The following YWHAE variants were observed in gnomAD, a reference collection of about 807,000 sequenced individuals.
YWHAE encodes 14-3-3 protein epsilon.
YWHAE carries 4 observed loss-of-function variants against 30.1 expected under a neutral mutation model. The ratio of observed to expected loss-of-function variants is 0.13; its 90% CI spans 0.07 to 0.30. The LOEUF (loss-of-function observed/expected upper bound fraction) is 0.30. YWHAE is among the 10% of genes least tolerant of loss of function. The pLI, the probability that YWHAE is intolerant of heterozygous loss-of-function variation, is 1.00. For missense variants in YWHAE, 121 were observed against 315.9 expected, an observed-to-expected ratio of 0.38 and a Z score of 4.68; for synonymous variants, 118 against 111.8, an observed-to-expected ratio of 1.06 and a Z score of -0.35.
chr17:1,346,714 C>T (rs946860105), intron 5 of YWHAE, among the ~76,000 whole-genome samples: 3 of 152,236 alleles, frequency 2.0e-5, no homozygotes, highest in Non-Finnish European at 4.4e-5. Flanking sequence ...ACGCCGGGCA[C>T]GGTGGCTCAC....
chr17:1,372,299 G>A (rs541883872), intron 1 of YWHAE, among the ~76,000 whole-genome samples: 4 of 152,210 alleles, frequency 2.6e-5, no homozygotes, highest in Non-Finnish European at 4.4e-5. Flanking sequence ...TTTGGCTTAA[G>A]GGAATAGTAT....
In YWHAE at chr17:1,395,504, G is replaced by A. The variant is rs188644477; in HGVS notation, c.64+4543C>T. Among the ~76,000 whole-genome samples, 159 of 152,268 alleles carry A rather than the reference G, an allele frequency of 1.0e-3. 2 individuals carry two copies. The highest frequency in any genetic ancestry group is 7.7e-3 in the Admixed American group (118 of 15,280). ...AGACCACGCCATTGCACTCCAGCCT[G>A]GGGGACAGAGCCCAGTCGTAGAAGG... On this transcript the variant is annotated intron_variant, in intron 1 of 5. Coordinates refer to ENST00000264335, the MANE Select transcript of YWHAE (RefSeq NM_006761.5).
At chr17:1,353,041 T>C (rs2072662002) in intron 5 of YWHAE, among the ~76,000 whole-genome samples, 1 of 152,110 alleles carries the variant, frequency 6.6e-6, no homozygotes. Context: ...TCAACAAACA[T>C]AACAAATTTG....
Position 1,361,311 on chromosome 17 carries a change from C to G in YWHAE, c.372-13G>C. 6.9e-7 allele frequency: 1 copy of G among 1,451,160 alleles called. No individual in the cohort carries two copies. The highest frequency in any genetic ancestry group is 9.0e-7 in the Non-Finnish European group (1 of 1,105,004). 89.9% of individuals were successfully genotyped at this position (1,451,160 alleles called of 1,614,324 possible). A position where few individuals can be genotyped will look rare whatever the true frequency, so the allele number is the denominator to read the frequency against. ...GTAGTCCCCTTTCCTAAAACAAAAC[C>G]AAAATTAAAAAAAAAAAAAAAATTT... On this transcript the variant is annotated splice_polypyrimidine_tract_variant and intron_variant, in intron 3 of 5. Transcript: ENST00000264335.
At chr17:1,387,470 T>C (rs1481329519) in intron 1 of YWHAE, among the ~76,000 whole-genome samples, 2 of 152,218 alleles carry the variant, frequency 1.3e-5, no homozygotes, top group African/African-American at 2.4e-5. Flanking sequence ...AAAAATACTT[T>C]AAAATTCTGT....
chr17:1,361,647 C>T (rs2072866833), intron 3 of YWHAE: 1 of 454,222 alleles, frequency 2.2e-6, no homozygotes. Flanking sequence ...CTATATATAA[C>T]ACTAAGCACT....
intron 4 of YWHAE, among the ~76,000 whole-genome samples, chr17:1,359,294 A>C (rs1273466434): frequency 6.6e-6 from 1 of 152,128 alleles, no homozygotes; most frequent in Non-Finnish European, 1.5e-5. Flanking sequence ...CAGAGACAGA[A>C]CAAGATCCTG....
intron 1 of YWHAE, among the ~76,000 whole-genome samples, chr17:1,398,517 G>T (rs1281435034): frequency 3.3e-5 from 5 of 151,968 alleles, no homozygotes; most frequent in African/African-American, 1.2e-4. Flanking sequence ...GACTAAATCC[G>T]CATTTCGAGG....
intron 1 of YWHAE, among the ~76,000 whole-genome samples, chr17:1,384,460 G>GA: frequency 6.6e-6 from 1 of 150,760 alleles, no homozygotes. Context: ...GGGAGGCCAA[G>GA]GCGGGCAGAT....
intron 1 of YWHAE, among the ~76,000 whole-genome samples, chr17:1,366,043 C>T (rs1340353384): frequency 6.6e-6 from 1 of 151,978 alleles, no homozygotes; most frequent in Non-Finnish European, 1.5e-5. Context: ...TGGTGAAACA[C>T]TGTCTCTACT....
At chr17:1,364,599 G>T (rs922609626) in intron 2 of YWHAE, 5 of 509,194 alleles carry the variant, frequency 9.8e-6, no homozygotes, top group Non-Finnish European at 1.7e-5. Flanking sequence ...ATCCAAGAGG[G>T]ATCCATTGAG....
At chr17:1,367,252 G>A (rs2072959554) in intron 1 of YWHAE, among the ~76,000 whole-genome samples, 1 of 152,070 alleles carries the variant, frequency 6.6e-6, no homozygotes, top group South Asian at 2.1e-4. Context: ...CATCCAGAGG[G>A]GAAATGTATA....
At chr17:1,385,386 A>C (rs2073285088) in intron 1 of YWHAE, among the ~76,000 whole-genome samples, 1 of 152,126 alleles carries the variant, frequency 6.6e-6, no homozygotes, top group Non-Finnish European at 1.5e-5. Flanking sequence ...CATGCCTCAA[A>C]AGTCATCTAC....
At chr17:1,354,659 A>G (rs1027676972) in intron 4 of YWHAE, among the ~76,000 whole-genome samples, 1 of 152,024 alleles carries the variant, frequency 6.6e-6, no homozygotes, top group Non-Finnish European at 1.5e-5. Flanking sequence ...CTTATTTCAA[A>G]AAGTTTTGTT....
chr17:1,388,117 G>GTTTTTTT lies in YWHAE; in HGVS notation c.64+11929_64+11930insAAAAAAA, dbSNP rs1491196737. Reference sequence around the variant, plus strand: ...GTAATTTTTGTTTTTTTTTTTGGTTGGTTTTTTTTTTTTTTTTTTTTTTTT... The same window carrying GTTTTTTT: ...GTAATTTTTGTTTTTTTTTTTGGTTGTTTTTTTGTTTTTTTTTTTTTTTTTTTTTTTT... On this transcript the variant is annotated intron_variant, in intron 1 of 5. Coordinates refer to ENST00000264335, the MANE Select transcript of YWHAE (RefSeq NM_006761.5). 3.7e-4 allele frequency among the ~76,000 whole-genome samples: 24 copies of GTTTTTTT among 65,106 alleles called. 1 individual carries two copies. The highest frequency in any genetic ancestry group is 1.1e-3 in the African/African-American group (10 of 8,826). The allele number at this position is 65,106 out of a possible 152,430, so 42.7% of individuals were successfully genotyped here. A position where few individuals can be genotyped will look rare whatever the true frequency, so the allele number is the denominator to read the frequency against.
At position 1,370,323 on chromosome 17, in the gene YWHAE, G is replaced by T. The variant is rs562340716; in HGVS notation, c.65-5265C>A. 3.7e-4 allele frequency among the ~76,000 whole-genome samples: 56 copies of T among 151,720 alleles called. No individual in the cohort carries two copies. In the South Asian group the frequency reaches 0.011, roughly 30 times the overall value. On this transcript the variant is annotated intron_variant, in intron 1 of 5. Coordinates refer to ENST00000264335, the MANE Select transcript of YWHAE (RefSeq NM_006761.5). The stretch of plus-strand genomic sequence containing the variant: ...TTTGTGTGTATTTTTAGTAGAGGCG[G>T]GGTTTCACCATGTTAGCCAGGACGG...
chr17:1,391,529 T>C (rs2073389439), intron 1 of YWHAE, among the ~76,000 whole-genome samples: 1 of 152,156 alleles, frequency 6.6e-6, no homozygotes, highest in Non-Finnish European at 1.5e-5. Flanking sequence ...GATGTTAAAT[T>C]ATGGTGACTT....
intron 1 of YWHAE, among the ~76,000 whole-genome samples, chr17:1,388,613 T>C (rs2073344029): frequency 6.7e-6 from 1 of 150,198 alleles, no homozygotes; most frequent in African/African-American, 2.4e-5. Context: ...AGTCTTGCAA[T>C]GTTGCCCAGG....
Position 1,345,143 on chromosome 17 carries a change from A to G in YWHAE, c.*304T>C. 2.4e-6 allele frequency: 1 copy of G among 421,228 alleles called. No individual in the cohort carries two copies. The highest frequency in any genetic ancestry group is 3.8e-5 in the East Asian group (1 of 26,402). 26.1% of individuals were successfully genotyped at this position (421,228 alleles called of 1,614,324 possible). On this transcript the variant is annotated 3_prime_UTR_variant, in exon 6 of 6. Transcript: ENST00000264335. ...ATGTAATTTCCATTTGCTAATGGTG[A>G]TCTTGCCACATCTGGCACGGAGACG...
Sources: allele counts gnomAD v4.1 joint callset (sites outside exome capture counted in the v4.1 genomes callset), GRCh38; gene constraint gnomAD v4.1.1; transcripts MANE v1.5; gene names NCBI Gene and HGNC (gene_info 2026-07-23, HGNC 2026-07-21).